Variants in TSPAN11 observed in about 807,000 individuals in gnomAD.
TSPAN11 encodes the protein tetraspanin-11.
A neutral mutation model predicts 32.9 loss-of-function variants in TSPAN11; 29 were observed. That is an observed-to-expected ratio of 0.88 (90% CI 0.66 to 1.20). TSPAN11 has a LOEUF of 1.20. TSPAN11 is among the 50% of genes most tolerant of loss of function. The pLI, the probability that TSPAN11 is intolerant of heterozygous loss-of-function variation, is 0.00. For missense variants in TSPAN11, 283 were observed against 329.1 expected (o/e 0.86, Z 1.08); for synonymous variants, 140 against 141.3 (o/e 0.99, Z 0.07).
intron 1 of TSPAN11, among the ~76,000 whole-genome samples, chr12:30,934,739 G>C (rs1274178929): frequency 6.6e-6 from 1 of 151,928 alleles, no homozygotes; most frequent in African/African-American, 2.4e-5. Flanking sequence ...GAGGCCCAGG[G>C]AAGCCAAAAC....
chr12:30,982,404 A>T, intron 5 of TSPAN11, 128 bp from the exon 6 acceptor site: 2 of 1,359,748 alleles, frequency 1.5e-6, no homozygotes, highest in Non-Finnish European at 2.0e-6. Context: ...CACATTATAC[A>T]AATACTAACT....
intron 5 of TSPAN11, among the ~76,000 whole-genome samples, chr12:30,980,035 T>C (rs774773505): frequency 5.3e-5 from 8 of 152,192 alleles, no homozygotes; most frequent in Non-Finnish European, 1.2e-4. Flanking sequence ...AGGCTGCTTA[T>C]ATCCGTGGGG....
At chr12:30,950,043 C>G (rs941819538) in intron 1 of TSPAN11, among the ~76,000 whole-genome samples, 2 of 152,126 alleles carry the variant, frequency 1.3e-5, no homozygotes, top group African/African-American at 4.8e-5. Context: ...ACACTGCCTG[C>G]CTGATGGGAC....
At chr12:30,981,431 G>T (rs1939090438) in intron 5 of TSPAN11, among the ~76,000 whole-genome samples, 1 of 152,210 alleles carries the variant, frequency 6.6e-6, no homozygotes, top group African/African-American at 2.4e-5. Context: ...CAACAGCATG[G>T]CATGGAGGTA....
At chr12:30,946,719 G>T (rs1024289047) in intron 1 of TSPAN11, among the ~76,000 whole-genome samples, 2 of 152,224 alleles carry the variant, frequency 1.3e-5, no homozygotes, top group Admixed American at 1.3e-4. Flanking sequence ...TTCTGATTCA[G>T]ATCACAGCGT....
chr12:30,979,463 G>C, intron 4 of TSPAN11, 103 bp from the exon 5 acceptor site: 1 of 1,016,412 alleles, frequency 9.8e-7, no homozygotes, highest in Non-Finnish European at 1.5e-6. Context: ...TCCACAGTCC[G>C]CAGTGTTCTA....
At chr12:30,972,080 C>A (rs966711754) in intron 3 of TSPAN11, among the ~76,000 whole-genome samples, 1 of 152,172 alleles carries the variant, frequency 6.6e-6, no homozygotes, top group Non-Finnish European at 1.5e-5. Flanking sequence ...TTATGGAGGA[C>A]TCTGGGGCAG....
chr12:30,982,950 A>C, intron 6 of TSPAN11, 114 bp from the exon 7 acceptor site: 1 of 1,256,392 alleles, frequency 8.0e-7, no homozygotes, highest in Non-Finnish European at 1.1e-6. Flanking sequence ...GGTTGGGTCC[A>C]GCCTGTGAGT....
chr12:30,982,170 TG>T (rs1939104973), intron 5 of TSPAN11, among the ~76,000 whole-genome samples: 1 of 152,180 alleles, frequency 6.6e-6, no homozygotes, highest in Admixed American at 6.5e-5. Context: ...CCCTGCCTTG[TG>T]GTTTTGTCCA....
At chr12:30,977,861 G>A (rs765488117) in intron 3 of TSPAN11, among the ~76,000 whole-genome samples, 17 of 152,134 alleles carry the variant, frequency 1.1e-4, no homozygotes, top group Non-Finnish European at 2.2e-4. Context: ...ACCCCTGCAG[G>A]GCCATGTAGA....
chr12:30,933,155 A>G (rs1937968161), intron 1 of TSPAN11, among the ~76,000 whole-genome samples: 1 of 152,138 alleles, frequency 6.6e-6, no homozygotes, highest in Non-Finnish European at 1.5e-5. Flanking sequence ...CTGCACATCC[A>G]ACCAACACTG....
chr12:30,969,095 C>A (rs56791523), intron 3 of TSPAN11, among the ~76,000 whole-genome samples: 2,731 of 152,290 alleles, frequency 0.018, 88 homozygotes, highest in African/African-American at 0.062. Flanking sequence ...ATTGCCGTCA[C>A]CATGACCAAG....
At chr12:30,989,263 T>TCA (rs1939263674) in intron 7 of TSPAN11, among the ~76,000 whole-genome samples, 1 of 152,154 alleles carries the variant, frequency 6.6e-6, no homozygotes, top group African/African-American at 2.4e-5. Flanking sequence ...CCCTAACCAG[T>TCA]CACGGGAGGT....
chr12:30,936,103 A>T (rs1938039773), intron 1 of TSPAN11, among the ~76,000 whole-genome samples: 1 of 152,204 alleles, frequency 6.6e-6, no homozygotes, highest in South Asian at 2.1e-4. Context: ...CTGGATCAGA[A>T]AATCCAGTGG....
intron 1 of TSPAN11, among the ~76,000 whole-genome samples, chr12:30,950,083 C>T (rs1250825774): frequency 6.6e-6 from 1 of 152,068 alleles, no homozygotes; most frequent in Non-Finnish European, 1.5e-5. Context: ...GGCATCTGTC[C>T]CCTACTCTCC....
intron 1 of TSPAN11, among the ~76,000 whole-genome samples, chr12:30,932,652 T>C (rs1043396915): frequency 2.0e-5 from 3 of 151,788 alleles, no homozygotes; most frequent in Non-Finnish European, 4.4e-5. Context: ...TGTGAGGGAG[T>C]CACAAACTCC....
intron 1 of TSPAN11, among the ~76,000 whole-genome samples, chr12:30,933,849 A>C (rs1359567088): frequency 1.3e-5 from 2 of 152,068 alleles, no homozygotes; most frequent in Non-Finnish European, 2.9e-5. Flanking sequence ...AGTTGGGATC[A>C]TTGTTGATTT....
intron 1 of TSPAN11, among the ~76,000 whole-genome samples, chr12:30,935,388 T>G (rs1251133048): frequency 2.0e-5 from 3 of 148,784 alleles, no homozygotes; most frequent in Admixed American, 6.7e-5. Flanking sequence ...TTTTTTTTTT[T>G]TTTTTTTTTT....
At chr12:30,927,029 G>C (rs935818537) in intron 1 of TSPAN11, 1 of 1,284,344 alleles carries the variant, frequency 7.8e-7, no homozygotes, top group African/African-American at 1.5e-5. Flanking sequence ...CATGGGACAC[G>C]CAACACGGTG....
Sources: gnomAD v4.1 joint callset for allele counts (sites outside exome capture counted in the v4.1 genomes callset) on GRCh38, gnomAD v4.1.1 for gene constraint, MANE v1.5 for transcripts, NCBI Gene and HGNC (gene_info 2026-07-23, HGNC 2026-07-21) for gene names.